ROBO1: variants seen among roughly 807,000 people sequenced by gnomAD.
ROBO1 encodes the protein roundabout homolog 1.
Under a neutral mutation model 195.9 loss-of-function variants are expected in ROBO1, and 149 were observed. The ratio of observed to expected loss-of-function variants is 0.76; its 90% CI spans 0.67 to 0.87. The LOEUF (loss-of-function observed/expected upper bound fraction) is 0.87, where lower values mean the gene tolerates loss of function less well. ROBO1 is among the 40% of genes least tolerant of loss of function. ROBO1 has a pLI of 0.00. For synonymous variants in ROBO1, 816 were observed against 733.2 expected (o/e 1.11, Z -1.82); for missense variants, 1,933 against 2,068.3 (o/e 0.93, Z 1.27).
chr3:79,623,401 G>T (rs1409669715), intron 1 of ROBO1, among the ~76,000 whole-genome samples: 1 of 152,208 alleles, frequency 6.6e-6, no homozygotes, highest in Non-Finnish European at 1.5e-5. Flanking sequence ...AAACTATGCG[G>T]AGCTAAAGGA....
Position 78,598,668 on chromosome 3 carries a change from G to A in ROBO1, c.*245C>T, listed in dbSNP as rs1225255291. 1.2e-5 allele frequency: 4 copies of A among 340,914 alleles called. No individual in the cohort carries two copies. Among genetic ancestry groups the A allele is most frequent in the East Asian group, 4.4e-5 (1 of 22,734 alleles). 21.1% of individuals were successfully genotyped at this position (340,914 alleles called of 1,614,324 possible). Reference sequence around the variant, plus strand: ...AGTCAAAGCACTTTGCTTGCTGGAAGTAAGGTATAATGGTTTGCTCCAACA... The same window carrying A: ...AGTCAAAGCACTTTGCTTGCTGGAAATAAGGTATAATGGTTTGCTCCAACA... On this transcript the variant is annotated 3_prime_UTR_variant, in exon 31 of 31. Transcript: ENST00000464233.
At chr3:79,610,698 C>A (rs1444832941) in intron 1 of ROBO1, among the ~76,000 whole-genome samples, 1 of 151,976 alleles carries the variant, frequency 6.6e-6, no homozygotes, top group African/African-American at 2.4e-5. Flanking sequence ...TCATACTTTG[C>A]TAGTTAATAC....
At chr3:79,577,098 A>G (rs1417814232) in intron 2 of ROBO1, among the ~76,000 whole-genome samples, 1 of 151,242 alleles carries the variant, frequency 6.6e-6, no homozygotes, top group African/African-American at 2.4e-5. Flanking sequence ...AGACTTCAAG[A>G]CTGAATTTTG....
chr3:79,497,141 T>C (rs1047968569), intron 2 of ROBO1, among the ~76,000 whole-genome samples: 68 of 152,242 alleles, frequency 4.5e-4, no homozygotes, highest in African/African-American at 1.5e-3. Flanking sequence ...TTAAAGAAAA[T>C]GGCGATGCTG....
chr3:79,727,689 C>T (rs1327058620), intron 1 of ROBO1, among the ~76,000 whole-genome samples: 1 of 152,058 alleles, frequency 6.6e-6, no homozygotes, highest in South Asian at 2.1e-4. Context: ...TCTATGGAAA[C>T]ATTTTTCATT....
intron 30 of ROBO1, among the ~76,000 whole-genome samples, 195 bp from the exon 31 acceptor site, chr3:78,599,122 C>A (rs923903214): frequency 1.3e-5 from 2 of 152,056 alleles, no homozygotes; most frequent in Non-Finnish European, 2.9e-5. Flanking sequence ...CAACAAGTAC[C>A]AAACTGGGTT....
intron 3 of ROBO1, among the ~76,000 whole-genome samples, chr3:79,006,927 A>T (rs73122655): frequency 0.013 from 1,963 of 152,260 alleles, 18 homozygotes; most frequent in Middle Eastern, 0.024. Flanking sequence ...CAGGATACCA[A>T]GGGAATATTT....
chr3:79,462,544 T>C (rs1214438195), intron 2 of ROBO1, among the ~76,000 whole-genome samples: 1 of 152,174 alleles, frequency 6.6e-6, no homozygotes, highest in East Asian at 1.9e-4. Flanking sequence ...TTAAAAGTTT[T>C]GTAGAATTAC....
rs150212868 is a variant in ROBO1, at chr3:78,803,395, C to G, written c.500-56495G>C. Among the ~76,000 whole-genome samples, 292 of 152,124 alleles carry G rather than the reference C, an allele frequency of 1.9e-3. 1 individual carries two copies. Among genetic ancestry groups the G allele is most frequent in the African/African-American group, 6.5e-3 (269 of 41,528 alleles). ...ACCTGAGGGGAAAAGTCATATTGACCTTGCTCATCAATGGGGAAACAAGTT... is the reference window on the plus strand; with the variant it reads ...ACCTGAGGGGAAAAGTCATATTGACGTTGCTCATCAATGGGGAAACAAGTT... On this transcript the variant is annotated intron_variant, in intron 4 of 30. Transcript: ENST00000464233.
chr3:79,176,666 C>G (rs2124389), intron 2 of ROBO1, among the ~76,000 whole-genome samples: 2 of 151,998 alleles, frequency 1.3e-5, no homozygotes. Flanking sequence ...CCATTTTAGC[C>G]AGGCTGGTCT....
chr3:79,032,347 CAT>C (rs1265592333), intron 3 of ROBO1, among the ~76,000 whole-genome samples: 2 of 151,902 alleles, frequency 1.3e-5, no homozygotes, highest in African/African-American at 4.8e-5. Flanking sequence ...CTAAATCCCA[CAT>C]AGTTTTTGAG....
intron 2 of ROBO1, among the ~76,000 whole-genome samples, chr3:79,527,427 A>G (rs1941477617): frequency 1.3e-5 from 2 of 152,164 alleles, no homozygotes; most frequent in East Asian, 1.9e-4. Flanking sequence ...AATCCTGCAC[A>G]TGTACCACCG....
chr3:79,558,538 G>T (rs955282261), intron 2 of ROBO1, among the ~76,000 whole-genome samples: 7 of 152,082 alleles, frequency 4.6e-5, no homozygotes, highest in Non-Finnish European at 1.0e-4. Flanking sequence ...GTAATACACA[G>T]ATTTTTTACT....
intron 3 of ROBO1, among the ~76,000 whole-genome samples, chr3:79,116,513 TTCTC>T (rs985015624): frequency 3.3e-5 from 5 of 149,734 alleles, no homozygotes; most frequent in African/African-American, 4.9e-5. Flanking sequence ...TTTCTTTTCT[TTCTC>T]TCTTTCTTCT....
chr3:79,381,141 G>T (rs1426878174), intron 2 of ROBO1, among the ~76,000 whole-genome samples: 1 of 151,866 alleles, frequency 6.6e-6, no homozygotes, highest in African/African-American at 2.4e-5. Context: ...GGTGGATCAC[G>T]AGGTCAGGAG....
chr3:78,638,391 A>G (rs2107548722), intron 22 of ROBO1, among the ~76,000 whole-genome samples: 1 of 151,570 alleles, frequency 6.6e-6, no homozygotes, highest in African/African-American at 2.4e-5. Flanking sequence ...TATACCATAA[A>G]ATCTGATTTT....
At chr3:79,135,660 G>A (rs551320146) in intron 2 of ROBO1, among the ~76,000 whole-genome samples, 61 of 149,702 alleles carry the variant, frequency 4.1e-4, no homozygotes, top group African/African-American at 1.3e-3. Context: ...TTTTTGAGAC[G>A]GAGTTTCACT....
chr3:79,372,715 T>C (rs932844428), intron 2 of ROBO1, among the ~76,000 whole-genome samples: 1 of 152,164 alleles, frequency 6.6e-6, no homozygotes, highest in Non-Finnish European at 1.5e-5. Context: ...TTTACCAGCA[T>C]CTTGATCTTG....
intron 2 of ROBO1, among the ~76,000 whole-genome samples, chr3:79,483,780 T>C (rs1028035156): frequency 1.3e-5 from 2 of 152,098 alleles, no homozygotes; most frequent in Non-Finnish European, 2.9e-5. Flanking sequence ...AAGATGAGCA[T>C]GACTGTGTCT....
Sources: gnomAD v4.1 joint callset for allele counts (sites outside exome capture counted in the v4.1 genomes callset) on GRCh38, gnomAD v4.1.1 for gene constraint, MANE v1.5 for transcripts, NCBI Gene and HGNC (gene_info 2026-07-23, HGNC 2026-07-21) for gene names.